N4BP1: variants seen among roughly 807,000 people sequenced by gnomAD.
N4BP1 encodes NEDD4 binding protein 1, also known as NEDD4-binding protein 1.
Under a neutral mutation model 70.9 loss-of-function variants are expected in N4BP1, and 21 were observed. The observed-to-expected ratio is 0.30, with a 90% confidence interval of 0.21 to 0.43. The LOEUF is 0.43. N4BP1 is among the 20% of genes least tolerant of loss of function. The probability of loss-of-function intolerance (pLI) is 1.00; values close to 1 mark genes in which losing one functional copy is unlikely to be tolerated. For synonymous variants in N4BP1, 387 were observed against 394.6 expected (o/e 0.98, Z 0.23); for missense variants, 936 against 1,069.4 (o/e 0.88, Z 1.74).
intron 1 of N4BP1, among the ~76,000 whole-genome samples, chr16:48,565,058 AG>A (rs1963919903): frequency 6.6e-6 from 1 of 152,226 alleles, no homozygotes; most frequent in Admixed American, 6.5e-5. Context: ...TGAAAGTTCA[AG>A]GATCTGTGTG....
At chr16:48,564,649 T>C (rs1963913014) in intron 1 of N4BP1, among the ~76,000 whole-genome samples, 1 of 152,240 alleles carries the variant, frequency 6.6e-6, no homozygotes, top group African/African-American at 2.4e-5. Context: ...AGTTCCTTTG[T>C]CTTCCCATAC....
At chr16:48,579,950 CAAAT>C (rs1200384637) in intron 1 of N4BP1, among the ~76,000 whole-genome samples, 1 of 151,950 alleles carries the variant, frequency 6.6e-6, no homozygotes, top group Non-Finnish European at 1.5e-5. Flanking sequence ...TGTACACACT[CAAAT>C]ACATAAGGCA....
intron 4 of N4BP1, among the ~76,000 whole-genome samples, chr16:48,550,773 C>G (rs1385065004): frequency 1.3e-5 from 2 of 151,528 alleles, no homozygotes; most frequent in Non-Finnish European, 2.9e-5. Flanking sequence ...CAAAAATTAG[C>G]CGGGCATGGT....
In N4BP1 at chr16:48,542,857, G is replaced by A; in HGVS notation, c.*47C>T. 6.6e-7 allele frequency: 1 copy of A among 1,506,102 alleles called. No individual in the cohort carries two copies. Among genetic ancestry groups the A allele is most frequent in the Non-Finnish European group, 9.0e-7 (1 of 1,106,204 alleles). 93.3% of individuals were successfully genotyped at this position (1,506,102 alleles called of 1,614,324 possible). A position where few individuals can be genotyped will look rare whatever the true frequency, so the allele number is the denominator to read the frequency against. ...CCATCAGGTACAGGTGTGAGCTTGA[G>A]TTTGATCAGCCAGCCCTGAGCGCAA... On this transcript the variant is annotated 3_prime_UTR_variant, in exon 7 of 7. Coordinates refer to ENST00000262384, the MANE Select transcript of N4BP1 (RefSeq NM_153029.4).
At chr16:48,557,849 T>C (rs181248518) in intron 2 of N4BP1, among the ~76,000 whole-genome samples, 5 of 152,294 alleles carry the variant, frequency 3.3e-5, no homozygotes, top group African/African-American at 1.2e-4. Context: ...CTATGGGTAT[T>C]AGAGGTAGTT....
At chr16:48,588,733 G>A (rs1315106097) in intron 1 of N4BP1, among the ~76,000 whole-genome samples, 1 of 152,154 alleles carries the variant, frequency 6.6e-6, no homozygotes, top group Non-Finnish European at 1.5e-5. Flanking sequence ...AGTTACATGT[G>A]ACCACTAGCA....
At chr16:48,559,842 C>A (rs1429733504) in intron 2 of N4BP1, 1 of 152,216 alleles carries the variant, frequency 6.6e-6, no homozygotes, top group Non-Finnish European at 1.5e-5. Flanking sequence ...TCGTGCAGAT[C>A]AACTCTGCTA....
At chr16:48,606,244 A>G (rs1951194267) in intron 1 of N4BP1, among the ~76,000 whole-genome samples, 1 of 151,876 alleles carries the variant, frequency 6.6e-6, no homozygotes, top group South Asian at 2.1e-4. Flanking sequence ...CATCCACCAC[A>G]CAGCTGCCCT....
At chr16:48,593,447 T>C (rs1270930786) in intron 1 of N4BP1, among the ~76,000 whole-genome samples, 1 of 152,212 alleles carries the variant, frequency 6.6e-6, no homozygotes, top group Non-Finnish European at 1.5e-5. Flanking sequence ...AGGATTGTGT[T>C]AAGTGAGGAA....
intron 4 of N4BP1, among the ~76,000 whole-genome samples, chr16:48,551,123 T>G (rs1251361353): frequency 4.6e-5 from 7 of 152,276 alleles, no homozygotes; most frequent in African/African-American, 1.7e-4. Flanking sequence ...AAACATTACT[T>G]TTAGCACCTA....
chr16:48,576,088 A>C (rs1964089104), intron 1 of N4BP1, among the ~76,000 whole-genome samples: 1 of 152,018 alleles, frequency 6.6e-6, no homozygotes. Context: ...TATTATCTCT[A>C]AGAGAAAAGG....
chr16:48,600,329 G>A lies in N4BP1; in HGVS notation c.198+9446C>T, dbSNP rs565791747. On this transcript the variant is annotated intron_variant, in intron 1 of 6. Coordinates refer to ENST00000262384, the MANE Select transcript of N4BP1 (RefSeq NM_153029.4). ...AAGTTAGGTGGACCAAAGCATTCCG[G>A]AAAGCAGGTGGCAAAGAGCTTACAC... The A allele has an allele frequency of 1.4e-5, 14 of 991,034 alleles. No homozygotes were observed. The Admixed American group carries it at 2.2e-4, about 16-fold the overall frequency. The allele number at this position is 991,034 out of a possible 1,614,324, so 61.4% of individuals were successfully genotyped here.
At chr16:48,600,121 C>A in intron 1 of N4BP1, 1 of 416,694 alleles carries the variant, frequency 2.4e-6, no homozygotes, top group South Asian at 3.3e-5. Context: ...TGATTCTTCT[C>A]AAGCTTGGCA....
intron 1 of N4BP1, among the ~76,000 whole-genome samples, chr16:48,608,384 C>A (rs1291361006): frequency 6.6e-6 from 1 of 152,136 alleles, no homozygotes; most frequent in Non-Finnish European, 1.5e-5. Context: ...CAAACACTCA[C>A]GATTTTTTGT....
chr16:48,602,579 T>C (rs1241433324), intron 1 of N4BP1, among the ~76,000 whole-genome samples: 1 of 152,074 alleles, frequency 6.6e-6, no homozygotes, highest in Non-Finnish European at 1.5e-5. Context: ...CCACTGTTTC[T>C]TAAGAAGATG....
intron 1 of N4BP1, among the ~76,000 whole-genome samples, chr16:48,598,675 T>C (rs1348183367): frequency 6.6e-6 from 1 of 152,170 alleles, no homozygotes; most frequent in African/African-American, 2.4e-5. Flanking sequence ...AAATCTGACC[T>C]GAAATTGCCT....
chr16:48,561,543 A>G lies in N4BP1; in HGVS notation c.1100T>C (p.Val367Ala). ...AGTAGATGGTCCATACACCTTAATGACCTTTTCAACAATTTCTTGGGAGTA... is the reference window on the plus strand; with the variant it reads ...AGTAGATGGTCCATACACCTTAATGGCCTTTTCAACAATTTCTTGGGAGTA... ...MGYSQEIVEK[V>A]IKVYGPSTEP... is the part of the protein sequence containing the mutation. Residue 367 changes from valine to alanine, a missense_variant, in exon 2 of 7, where the codon GTC becomes GCC. Physicochemically the swap from Val to Ala is moderately conservative, Grantham distance 64. This residue lies in a region of N4BP1 where 515 missense variants were observed against 491.7 expected (regional missense o/e 1.05). Transcript: ENST00000262384. 1 of 1,613,884 alleles carries G rather than the reference A, an allele frequency of 6.2e-7. No individual in the cohort carries two copies. The highest frequency in any genetic ancestry group is 2.2e-5 in the East Asian group (1 of 44,878).
chr16:48,552,681 G>C (rs924422220), intron 3 of N4BP1, among the ~76,000 whole-genome samples: 5 of 109,922 alleles, frequency 4.5e-5, no homozygotes, highest in Non-Finnish European at 6.7e-5. Flanking sequence ...CTGAGCGACA[G>C]AGCGAGACTC....
rs1173138508 is a variant in N4BP1 at position 48,552,712 on chromosome 16, A to G, written c.2020+827T>C. ...GACTCCGTCTCAGAAAAAAAAAAAAAAAAAAAAAAAAAAAAAAAAAAAAAA... is the reference window on the plus strand; with the variant it reads ...GACTCCGTCTCAGAAAAAAAAAAAAGAAAAAAAAAAAAAAAAAAAAAAAAA... On this transcript the variant is annotated intron_variant, in intron 3 of 6. Coordinates refer to ENST00000262384, the MANE Select transcript of N4BP1 (RefSeq NM_153029.4). 5.8e-4 allele frequency among the ~76,000 whole-genome samples: 68 copies of G among 117,954 alleles called. 3 individuals are homozygous for G. The highest frequency in any genetic ancestry group is 2.1e-3 in the African/African-American group (53 of 24,742). 77.4% of individuals were successfully genotyped at this position (117,954 alleles called of 152,430 possible).
Sources: allele counts gnomAD v4.1 joint callset (sites outside exome capture counted in the v4.1 genomes callset), GRCh38; gene constraint gnomAD v4.1.1; regional missense constraint gnomAD v4.1.1; transcripts MANE v1.5; gene names NCBI Gene and HGNC (gene_info 2026-07-23, HGNC 2026-07-21).